IRS1: variants seen among roughly 807,000 people sequenced by gnomAD.
The protein encoded by IRS1 is insulin receptor substrate 1.
Under a neutral mutation model 65.6 loss-of-function variants are expected in IRS1, and 34 were observed. That is an observed-to-expected ratio of 0.52 (90% CI 0.39 to 0.69). IRS1 has a LOEUF of 0.69. Ranked by LOEUF, IRS1 falls within the 30% of genes least tolerant of loss-of-function variation. The pLI, the probability that IRS1 is intolerant of heterozygous loss-of-function variation, is 0.00. For synonymous variants in IRS1, 699 were observed against 683.5 expected (o/e 1.02, Z -0.35); for missense variants, 1,641 against 1,720.2 (o/e 0.95, Z 0.81).
chr2:226,787,684 G>C (rs16822652), intron 1 of IRS1, among the ~76,000 whole-genome samples: 16,137 of 152,088 alleles, frequency 0.11, 1,070 homozygotes, highest in South Asian at 0.25. Flanking sequence ...ATGGGTGGTG[G>C]GCTTGAATAG....
In IRS1 at chr2:226,798,347, C is replaced by T; in HGVS notation, c.392G>A (p.Gly131Asp). The T allele has an allele frequency of 6.2e-7, 1 of 1,613,488 alleles. No individual in the cohort carries two copies. Among genetic ancestry groups the T allele is most frequent in the Non-Finnish European group, 8.5e-7 (1 of 1,179,900 alleles). ...GCTGCCGCTGCAGCTGCCCCCACCACCTCCCGCCCCGAGGGCCGCAGCTCC... is the reference window on the plus strand; with the variant it reads ...GCTGCCGCTGCAGCTGCCCCCACCATCTCCCGCCCCGAGGGCCGCAGCTCC... ...HDGAAALGAG[G>D]GGGSCSGSSG... Residue 131 changes from glycine to aspartate, a missense_variant, in exon 1 of 2, where the codon GGT (glycine) becomes GAT (aspartate). Physicochemically the swap from Gly to Asp is moderately conservative, Grantham distance 94. Coordinates refer to ENST00000305123, the MANE Select transcript of IRS1 (RefSeq NM_005544.3). This position sits in a 1 kb window ranked among gnomAD's most constrained non-coding sequence, Gnocchi z 9.4.
Position 226,769,840 on chromosome 2 carries a change from A to G in IRS1, c.*21+25149T>C, listed in dbSNP as rs572553105. Among the ~76,000 whole-genome samples the G allele has an allele frequency of 2.6e-5, 4 of 152,342 alleles. No individual in the cohort carries two copies. The South Asian group carries it at 8.3e-4, about 32-fold the overall frequency. ...ATCGGTCCATTCACTGATCACAAGT[A>G]TACATTCATCTTAGTTGAGACATAT... On this transcript the variant is annotated intron_variant, in intron 1 of 1. Coordinates refer to ENST00000305123, the MANE Select transcript of IRS1 (RefSeq NM_005544.3).
chr2:226,760,712 A>G lies in IRS1; in HGVS notation c.*22-24462T>C, dbSNP rs112430989. 1.8e-3 allele frequency among the ~76,000 whole-genome samples: 274 copies of G among 152,312 alleles called. 1 individual carries two copies. Among genetic ancestry groups the G allele is most frequent in the African/African-American group, 6.2e-3 (259 of 41,560 alleles). On this transcript the variant is annotated intron_variant, in intron 1 of 1. Transcript: ENST00000305123. ...CTTGCATGCATGCATACACAAGGCT[A>G]AATGTTTAATCCCTCAAGCACCCTC... is the stretch of plus-strand genomic sequence containing the variant.
chr2:226,761,159 T>A (rs563206220), intron 1 of IRS1, among the ~76,000 whole-genome samples: 3 of 152,234 alleles, frequency 2.0e-5, no homozygotes, highest in Non-Finnish European at 4.4e-5. Flanking sequence ...TATATTGAGC[T>A]ACACCACCTA....
At position 226,761,318 on chromosome 2, in the gene IRS1, G is replaced by A. The variant is rs190534525; in HGVS notation, c.*22-25068C>T. Among the ~76,000 whole-genome samples, 665 of 152,264 alleles carry A rather than the reference G, an allele frequency of 4.4e-3. 16 individuals carry two copies. The highest frequency in any genetic ancestry group is 8.2e-4 in the Non-Finnish European group (56 of 68,024). On this transcript the variant is annotated intron_variant, in intron 1 of 1. Transcript: ENST00000305123. ...CATTTTGGTAATAAATTTGGCTGCT[G>A]TAACTGAGGTTTTGAGAGGACAACT... is the stretch of plus-strand genomic sequence containing the variant.
In IRS1 at chr2:226,798,770, G is replaced by A. The variant is rs1939819144; in HGVS notation, c.-32C>T. On this transcript the variant is annotated 5_prime_UTR_variant, in exon 1 of 2. Transcript: ENST00000305123. This position sits in a 1 kb window ranked among gnomAD's most constrained non-coding sequence, Gnocchi z 9.4. ...ACCGCCACCACCAACGCTGAGCAGA[G>A]GGAGGCTCCGAAAAACAACCGGGTG... The A allele has an allele frequency of 1.3e-6, 2 of 1,595,182 alleles. No homozygotes were observed. Among genetic ancestry groups the A allele is most frequent in the Non-Finnish European group, 1.7e-6 (2 of 1,171,586 alleles).
Position 226,796,214 on chromosome 2 carries a change from G to C in IRS1, c.2525C>G (p.Pro842Arg), listed in dbSNP as rs1282132006. The change falls in exon 1 of 2, where the codon CCT becomes CGT. Residue 842 changes from proline to arginine, a missense_variant. By Grantham distance (103) the Pro-to-Arg change is moderately radical (BLOSUM62 -2). Coordinates refer to ENST00000305123, the MANE Select transcript of IRS1 (RefSeq NM_005544.3). ...PHHQVLQPHL[P>R]RKVDTAAQTN... ...CTGAGCAGCTGTGTCCACCTTTCGA[G>C]GCAGATGGGGCTGCAGAACCTGATG... 6.2e-7 allele frequency: 1 copy of C among 1,613,354 alleles called. No homozygotes were observed. The highest frequency in any genetic ancestry group is 8.5e-7 in the Non-Finnish European group (1 of 1,179,760).
At chr2:226,759,283 A>T (rs1198050054) in intron 1 of IRS1, among the ~76,000 whole-genome samples, 5 of 152,240 alleles carry the variant, frequency 3.3e-5, no homozygotes, top group African/African-American at 1.2e-4. Context: ...TCTCTCTACA[A>T]AGGAAAACGT....
At chr2:226,759,251 C>T (rs1335218916) in intron 1 of IRS1, among the ~76,000 whole-genome samples, 1 of 152,190 alleles carries the variant, frequency 6.6e-6, no homozygotes, top group African/African-American at 2.4e-5. Context: ...TTTTACAATG[C>T]CATGCTGGAA....
chr2:226,788,335 C>G (rs2106180488), intron 1 of IRS1, among the ~76,000 whole-genome samples: 1 of 152,276 alleles, frequency 6.6e-6, no homozygotes, highest in East Asian at 1.9e-4. Context: ...GAATCATAGT[C>G]TGACCCATGT....
At chr2:226,763,368 G>C (rs73083624) in intron 1 of IRS1, among the ~76,000 whole-genome samples, 13,842 of 152,118 alleles carry the variant, frequency 0.091, 1,209 homozygotes, top group African/African-American at 0.23. Flanking sequence ...CATTAAGGCT[G>C]TCTTGGAAGA....
chr2:226,774,475 AACACTGTACT>A (rs1249551432), intron 1 of IRS1, among the ~76,000 whole-genome samples: 5 of 152,328 alleles, frequency 3.3e-5, no homozygotes, highest in South Asian at 4.1e-4. Flanking sequence ...GTTGGTTTGA[AACACTGTACT>A]ACAGAATGTT....
intron 1 of IRS1, among the ~76,000 whole-genome samples, chr2:226,758,513 C>T (rs1178406997): frequency 6.6e-6 from 1 of 151,966 alleles, no homozygotes; most frequent in Admixed American, 6.6e-5. Flanking sequence ...AATTTGAATG[C>T]CTAAATATAA....
rs1447638835 is a variant in IRS1 at position 226,741,814 on chromosome 2, C to T, written c.*22-5564G>A. Among the ~76,000 whole-genome samples the T allele has an allele frequency of 8.8e-3, 1,293 of 147,142 alleles. 26 individuals are homozygous for T. Among genetic ancestry groups the T allele is most frequent in the African/African-American group, 0.03 (1,214 of 40,708 alleles). On this transcript the variant is annotated intron_variant, in intron 1 of 1. Transcript: ENST00000305123. Reference sequence around the variant, plus strand: ...ACACACACACACACACACACACACACACACACACACACATAACACACACAC... The same window carrying T: ...ACACACACACACACACACACACACATACACACACACACATAACACACACAC...
intron 1 of IRS1, among the ~76,000 whole-genome samples, chr2:226,756,510 A>C (rs1938804832): frequency 6.6e-6 from 1 of 152,236 alleles, no homozygotes; most frequent in Non-Finnish European, 1.5e-5. Context: ...TTTTCCCTTT[A>C]GAACACAACT....
In IRS1 at chr2:226,795,619, GGCT is replaced by G; in HGVS notation, c.3117_3119del (p.Ala1040del). 1 of 1,612,606 alleles carries G rather than the reference GGCT, an allele frequency of 6.2e-7. No individual in the cohort carries two copies. The highest frequency in any genetic ancestry group is 8.5e-7 in the Non-Finnish European group (1 of 1,179,796). On this transcript the variant is annotated inframe_deletion, in exon 1 of 2. Transcript: ENST00000305123. Reference sequence around the variant, plus strand: ...CTTGAGGCCCAGTCGGGGAAGCAGAGGCTGCTGAGGATGAGGAGGCAGCAGCCA... The same window carrying G: ...CTTGAGGCCCAGTCGGGGAAGCAGAGGCTGAGGATGAGGAGGCAGCAGCCA...
chr2:226,787,380 T>G (rs1288554745), intron 1 of IRS1, among the ~76,000 whole-genome samples: 2 of 152,144 alleles, frequency 1.3e-5, no homozygotes, highest in Non-Finnish European at 2.9e-5. Context: ...GCCCTTTAGG[T>G]TTATGAAAAA....
At position 226,795,430 on chromosome 2, in the gene IRS1, A is replaced by G; in HGVS notation, c.3309T>C (p.Thr1103=). Residue 1103 remains threonine, a synonymous_variant, in exon 1 of 2, where the codon ACT becomes ACC. Transcript: ENST00000305123. ...QGCRRRHSSE[T]FSSTPSATRV... ...GGGTGGCACTGGGTGTTGAGGAGAA[A>G]GTCTCGGAGCTATGCCTCCGCCGGC... The G allele has an allele frequency of 1.9e-6, 3 of 1,613,498 alleles. No individual in the cohort carries two copies. The highest frequency in any genetic ancestry group is 2.5e-6 in the Non-Finnish European group (3 of 1,180,002).
Position 226,766,030 on chromosome 2 carries a change from T to C in IRS1, c.*21+28959A>G, listed in dbSNP as rs148718555. Among the ~76,000 whole-genome samples the C allele has an allele frequency of 2.4e-3, 353 of 146,484 alleles. 1 individual carries two copies. The highest frequency in any genetic ancestry group is 8.2e-3 in the African/African-American group (326 of 39,794). On this transcript the variant is annotated intron_variant, in intron 1 of 1. Transcript: ENST00000305123. Reference sequence around the variant, plus strand: ...CCTTCACGTTTCAACTTCGACTTCTTGTTTGGTCATCATGGAACAACCATA... The same window carrying C: ...CCTTCACGTTTCAACTTCGACTTCTCGTTTGGTCATCATGGAACAACCATA...
Sources: gnomAD v4.1 joint callset for allele counts (sites outside exome capture counted in the v4.1 genomes callset) on GRCh38, gnomAD v4.1.1 for gene constraint, Gnocchi (gnomAD v3.1) non-coding constraint, MANE v1.5 for transcripts, NCBI Gene and HGNC (gene_info 2026-07-23, HGNC 2026-07-21) for gene names.